FOXN3: variants seen among roughly 807,000 people sequenced by gnomAD.
The protein encoded by FOXN3 is forkhead box protein N3.
In FOXN3, 7 loss-of-function variants were observed where a neutral mutation model predicts 38.4. The observed-to-expected ratio is 0.18, with a 90% CI of 0.10 to 0.34. The LOEUF (loss-of-function observed/expected upper bound fraction) is 0.34, where lower values mean the gene tolerates loss of function less well. FOXN3 is among the 10% of genes least tolerant of loss of function. The pLI is 1.00. For missense variants in FOXN3, 456 were observed against 613.4 expected (o/e 0.74, Z 2.71); for synonymous variants, 230 against 242.2 (o/e 0.95, Z 0.47).
intron 3 of FOXN3, among the ~76,000 whole-genome samples, chr14:89,336,216 C>CTCCATCCA (rs71130057): frequency 0.17 from 24,013 of 143,014 alleles, 2,359 homozygotes; most frequent in South Asian, 0.28. Context: ...CTAACGGTGC[C>CTCCATCCA]TCCATCCATC....
intron 4 of FOXN3, among the ~76,000 whole-genome samples, chr14:89,250,833 A>T (rs562814657): frequency 6.6e-6 from 1 of 152,176 alleles, no homozygotes; most frequent in Admixed American, 6.5e-5. Flanking sequence ...ATGAGATCTG[A>T]TGGTTTTATA....
At chr14:89,357,019 G>A (rs1889257042) in intron 2 of FOXN3, among the ~76,000 whole-genome samples, 1 of 152,168 alleles carries the variant, frequency 6.6e-6, no homozygotes, top group African/African-American at 2.4e-5. Flanking sequence ...TGTTGGTTCA[G>A]GTGGGCAGCA....
At chr14:89,352,312 G>C (rs750643404) in intron 2 of FOXN3, among the ~76,000 whole-genome samples, 31 of 152,202 alleles carry the variant, frequency 2.0e-4, no homozygotes, top group Non-Finnish European at 4.3e-4. Context: ...AATAGTTCAG[G>C]GGGAGCAGTG....
chr14:89,333,384 C>T (rs1283045959), intron 3 of FOXN3: 1 of 151,648 alleles, frequency 6.6e-6, no homozygotes, highest in Non-Finnish European at 1.5e-5. Context: ...CGCCACTGCA[C>T]TCCAGCCTGG....
intron 1 of FOXN3, among the ~76,000 whole-genome samples, chr14:89,511,228 T>C (rs1189850568): frequency 8.0e-5 from 2 of 24,860 alleles, no homozygotes; most frequent in Admixed American, 8.3e-4. Flanking sequence ...TCTTTCTTTC[T>C]TTTCTTTCCT....
intron 1 of FOXN3, among the ~76,000 whole-genome samples, chr14:89,477,871 G>GA (rs149561286): frequency 0.018 from 2,633 of 148,726 alleles, 64 homozygotes; most frequent in African/African-American, 0.059. Context: ...AACAACAGGA[G>GA]AAAAAAAAAA....
intron 1 of FOXN3, among the ~76,000 whole-genome samples, chr14:89,560,823 G>A (rs1473882781): frequency 1.3e-5 from 2 of 152,186 alleles, no homozygotes; most frequent in Non-Finnish European, 2.9e-5. Context: ...GAATCTACCA[G>A]TCAGTAAACA....
chr14:89,395,430 C>T (rs1891075146), intron 2 of FOXN3, among the ~76,000 whole-genome samples: 1 of 152,158 alleles, frequency 6.6e-6, no homozygotes, highest in African/African-American at 2.4e-5. Context: ...TAGTTCAATG[C>T]TCAGTACAGC....
intron 2 of FOXN3, among the ~76,000 whole-genome samples, chr14:89,393,559 G>A (rs958513386): frequency 3.3e-5 from 5 of 152,112 alleles, no homozygotes; most frequent in Non-Finnish European, 7.3e-5. Context: ...AATCTCCCAT[G>A]GCCACATGGC....
intron 1 of FOXN3, among the ~76,000 whole-genome samples, chr14:89,448,567 G>A (rs756870904): frequency 4.6e-5 from 7 of 152,120 alleles, no homozygotes; most frequent in Non-Finnish European, 7.4e-5. Context: ...AGAGTTGATT[G>A]CCCTGGGAAA....
At chr14:89,441,091 C>G (rs1332878019) in intron 1 of FOXN3, among the ~76,000 whole-genome samples, 1 of 152,140 alleles carries the variant, frequency 6.6e-6, no homozygotes, top group African/African-American at 2.4e-5. Context: ...CTCCGGCTTC[C>G]CTTCCTCCCC....
At chr14:89,322,019 T>A (rs1053267465) in intron 3 of FOXN3, among the ~76,000 whole-genome samples, 4 of 152,166 alleles carry the variant, frequency 2.6e-5, no homozygotes, top group Non-Finnish European at 4.4e-5. Context: ...CACTCCCTAC[T>A]CCACTGGCCC....
At position 89,518,488 on chromosome 14, in the gene FOXN3, G is replaced by A. The variant is rs574608443; in HGVS notation, c.-15+100540C>T. Among the ~76,000 whole-genome samples, 7 of 152,294 alleles carry A rather than the reference G, an allele frequency of 4.6e-5. No homozygotes were observed. In the South Asian group the frequency reaches 1.5e-3, roughly 32 times the overall value. The stretch of plus-strand genomic sequence containing the variant: ...TGGGGATACAGAATTGGGATTTAGA[G>A]AATGGGAAACAAGTTAGACAGCCAA... On this transcript the variant is annotated intron_variant, in intron 1 of 6. Coordinates refer to the FOXN3 transcript ENST00000345097.
chr14:89,568,030 T>C (rs1164752518), intron 1 of FOXN3, among the ~76,000 whole-genome samples: 2 of 151,896 alleles, frequency 1.3e-5, no homozygotes, highest in Non-Finnish European at 2.9e-5. Context: ...CCAAATCTCG[T>C]TGATTTCAAA....
At chr14:89,365,294 A>AT (rs1321687574) in intron 2 of FOXN3, among the ~76,000 whole-genome samples, 5 of 152,126 alleles carry the variant, frequency 3.3e-5, no homozygotes, top group African/African-American at 1.2e-4. Context: ...GAAAATAGTT[A>AT]TTTTTTTGTA....
At chr14:89,306,332 A>G (rs1398285880) in intron 3 of FOXN3, among the ~76,000 whole-genome samples, 1 of 106,652 alleles carries the variant, frequency 9.4e-6, no homozygotes, top group African/African-American at 3.0e-5. Context: ...ACACAGACGC[A>G]TGCACACACA....
chr14:89,356,691 C>T (rs747088602), intron 2 of FOXN3: 12 of 152,128 alleles, frequency 7.9e-5, no homozygotes, highest in African/African-American at 1.4e-4. Flanking sequence ...TTCATTCATA[C>T]GCTCATGCAT....
intron 4 of FOXN3, among the ~76,000 whole-genome samples, chr14:89,259,220 A>C (rs1486854602): frequency 6.6e-6 from 1 of 152,226 alleles, no homozygotes; most frequent in African/African-American, 2.4e-5. Flanking sequence ...GAAACCAGGC[A>C]TATTATTAAG....
At chr14:89,394,231 T>A (rs11629194) in intron 2 of FOXN3, among the ~76,000 whole-genome samples, 1 of 146,886 alleles carries the variant, frequency 6.8e-6, no homozygotes, top group Non-Finnish European at 1.5e-5. Context: ...TTTTTTTTTT[T>A]TTTGAGATGG....
Sources: allele counts gnomAD v4.1 joint callset (sites outside exome capture counted in the v4.1 genomes callset), GRCh38; gene constraint gnomAD v4.1.1; transcripts MANE v1.5; gene names NCBI Gene and HGNC (gene_info 2026-07-23, HGNC 2026-07-21).